CAPN9: variants seen among roughly 807,000 people sequenced by gnomAD.
CAPN9 encodes the protein calpain-9.
CAPN9 carries 81 observed loss-of-function variants against 92.8 expected under a neutral mutation model. The ratio of observed to expected loss-of-function variants is 0.87; its 90% CI spans 0.73 to 1.05. The LOEUF (loss-of-function observed/expected upper bound fraction) is 1.05. Ranked by LOEUF, CAPN9 falls within the 50% of genes least tolerant of loss-of-function variation. The probability of loss-of-function intolerance (pLI) is 0.00; values close to 1 mark genes in which losing one functional copy is unlikely to be tolerated. For missense variants in CAPN9, 848 were observed against 866.2 expected, an observed-to-expected ratio of 0.98 and a Z score of 0.26; for synonymous variants, 304 against 328.0, an observed-to-expected ratio of 0.93 and a Z score of 0.79.
At chr1:230,791,796 T>C in intron 14 of CAPN9, 68 bp from the exon 15 acceptor site, 1 of 1,263,454 alleles carries the variant, frequency 7.9e-7, no homozygotes, top group Non-Finnish European at 1.2e-6. Flanking sequence ...TTATTGGGCT[T>C]TCAGCAGATG....
At chr1:230,774,716 CT>C in intron 8 of CAPN9, 85 bp downstream of exon 8, 1 of 807,446 alleles carries the variant, frequency 1.2e-6, no homozygotes, top group African/African-American at 1.8e-5. Context: ...TTCTCTCTCG[CT>C]TTCCTTTTTC....
intron 18 of CAPN9, among the ~76,000 whole-genome samples, chr1:230,796,490 C>T (rs1668369391): frequency 6.6e-6 from 1 of 152,096 alleles, no homozygotes; most frequent in Non-Finnish European, 1.5e-5. Flanking sequence ...AAGCACAGCC[C>T]CTCTAGACTC....
intron 8 of CAPN9, among the ~76,000 whole-genome samples, chr1:230,775,782 T>C (rs1242396525): frequency 6.6e-6 from 1 of 151,744 alleles, no homozygotes; most frequent in Non-Finnish European, 1.5e-5. Context: ...CCAGGGGTGG[T>C]GGTGAGTGCC....
chr1:230,766,769 G>A (rs1055994874), intron 4 of CAPN9, among the ~76,000 whole-genome samples: 1 of 152,204 alleles, frequency 6.6e-6, no homozygotes, highest in Non-Finnish European at 1.5e-5. Context: ...GTTCCACGTG[G>A]CTGGGAAGGA....
At chr1:230,751,679 GAAAGA>G in intron 1 of CAPN9, among the ~76,000 whole-genome samples, 1 of 147,142 alleles carries the variant, frequency 6.8e-6, no homozygotes, top group Non-Finnish European at 1.5e-5. Flanking sequence ...AAGAAAGAAA[GAAAGA>G]AGGGTGGCTT....
chr1:230,791,652 C>T (rs1026280090), intron 14 of CAPN9, among the ~76,000 whole-genome samples: 7 of 152,116 alleles, frequency 4.6e-5, no homozygotes, highest in African/African-American at 1.2e-4. Flanking sequence ...TGGATGAAGG[C>T]GTATTCCCAC....
At chr1:230,764,536 G>T (rs1040938070) in intron 4 of CAPN9, among the ~76,000 whole-genome samples, 1 of 152,200 alleles carries the variant, frequency 6.6e-6, no homozygotes, top group African/African-American at 2.4e-5. Flanking sequence ...AATTTCAAAC[G>T]TATGAAATAA....
At chr1:230,790,252 G>T in intron 14 of CAPN9, 63 bp downstream of exon 14, 2 of 1,592,878 alleles carry the variant, frequency 1.3e-6, no homozygotes, top group South Asian at 1.1e-5. Context: ...CACACTGCCT[G>T]GGTCCCCTCC....
intron 11 of CAPN9, among the ~76,000 whole-genome samples, chr1:230,782,423 C>T (rs1159885434): frequency 6.6e-6 from 1 of 152,084 alleles, no homozygotes; most frequent in East Asian, 1.9e-4. Flanking sequence ...ATTTGTATTC[C>T]CTTTGACTTT....
intron 11 of CAPN9, among the ~76,000 whole-genome samples, chr1:230,782,385 G>A (rs1358374506): frequency 6.6e-6 from 1 of 152,138 alleles, no homozygotes; most frequent in Non-Finnish European, 1.5e-5. Context: ...AGGAAAGGGA[G>A]GACTACCCCC....
At chr1:230,786,705 T>G (rs1667611397) in intron 12 of CAPN9, among the ~76,000 whole-genome samples, 1 of 152,244 alleles carries the variant, frequency 6.6e-6, no homozygotes, top group African/African-American at 2.4e-5. Flanking sequence ...TCAATAACTT[T>G]CACACTACCA....
At chr1:230,776,847 C>T (rs1309106986) in intron 8 of CAPN9, 2 of 152,194 alleles carry the variant, frequency 1.3e-5, no homozygotes, top group Non-Finnish European at 2.9e-5. Flanking sequence ...CGTCACGGCT[C>T]ACATTCTACT....
At chr1:230,800,582 G>T (rs2102950373) in intron 19 of CAPN9, among the ~76,000 whole-genome samples, 1 of 152,224 alleles carries the variant, frequency 6.6e-6, no homozygotes, top group African/African-American at 2.4e-5. Context: ...GCTGGAATAG[G>T]CTCCTGCCCT....
chr1:230,762,038 C>A (rs1665679600), intron 3 of CAPN9, among the ~76,000 whole-genome samples: 1 of 152,240 alleles, frequency 6.6e-6, no homozygotes, highest in Non-Finnish European at 1.5e-5. Context: ...GTCATGCCTG[C>A]CTGTATGCAC....
intron 9 of CAPN9, 71 bp from the exon 10 acceptor site, chr1:230,780,107 TG>T: frequency 1.0e-6 from 1 of 954,846 alleles, no homozygotes; most frequent in Non-Finnish European, 1.6e-6. Context: ...TGTGTGTGTG[TG>T]TGTGTGTGTG....
chr1:230,772,470 T>C (rs1666448884), intron 7 of CAPN9, among the ~76,000 whole-genome samples: 2 of 151,740 alleles, frequency 1.3e-5, no homozygotes, highest in Admixed American at 1.3e-4. Context: ...TGTGTGTTTG[T>C]GTGTGTGTGT....
At chr1:230,784,250 A>C (rs1464795751) in intron 11 of CAPN9, among the ~76,000 whole-genome samples, 1 of 152,230 alleles carries the variant, frequency 6.6e-6, no homozygotes, top group Non-Finnish European at 1.5e-5. Context: ...AGAAAGAAAA[A>C]GCTTTTTCGA....
intron 4 of CAPN9, among the ~76,000 whole-genome samples, chr1:230,766,786 A>G (rs546014742): frequency 1.1e-3 from 162 of 152,296 alleles, no homozygotes; most frequent in Non-Finnish European, 1.6e-3. Flanking sequence ...AGGATTCACA[A>G]TAATGGCAGA....
intron 16 of CAPN9, among the ~76,000 whole-genome samples, 169 bp downstream of exon 16, chr1:230,792,663 C>T (rs188794966): frequency 1.4e-4 from 22 of 152,344 alleles, no homozygotes; most frequent in Middle Eastern, 3.4e-3. Context: ...GGAGTACCAC[C>T]GTGCTTCCAC....
Sources: allele counts gnomAD v4.1 joint callset (sites outside exome capture counted in the v4.1 genomes callset), GRCh38; gene constraint gnomAD v4.1.1; transcripts MANE v1.5; gene names NCBI Gene and HGNC (gene_info 2026-07-23, HGNC 2026-07-21).